Variants in RRP12 observed in about 807,000 individuals in gnomAD.
The protein encoded by RRP12 is RRP12-like protein.
In RRP12, 78 loss-of-function variants were observed where a neutral mutation model predicts 157.3. The observed-to-expected ratio is 0.50, with a 90% CI of 0.41 to 0.60. The LOEUF is 0.60. RRP12 is among the 20% of genes least tolerant of loss of function. The pLI is 0.00. For missense variants in RRP12, 1,521 were observed against 1,679.9 expected (o/e 0.91, Z 1.65); for synonymous variants, 726 against 670.9 (o/e 1.08, Z -1.27).
chr10:97,358,849 G>A (rs1843775037), intron 32 of RRP12, 94 bp downstream of exon 32: 4 of 1,039,126 alleles, frequency 3.8e-6, no homozygotes, highest in South Asian at 2.6e-5. Flanking sequence ...CCAGGAAGGT[G>A]CCTCTCAGGA....
At chr10:97,369,333 G>T in intron 25 of RRP12, 92 bp downstream of exon 25, 2 of 1,337,404 alleles carry the variant, frequency 1.5e-6, no homozygotes, top group South Asian at 2.7e-5. Flanking sequence ...AAAAAAAATA[G>T]TTTGAAACTT....
Position 97,363,095 on chromosome 10 carries a change from G to A in RRP12, c.3567+759C>T, listed in dbSNP as rs149547846. On this transcript the variant is annotated intron_variant, in intron 30 of 33. Transcript: ENST00000370992. ...CCCCAGAGTCTGCCGCTTCCCCACCGATATCACTATACCCTGATGTAGGCT... is the reference window on the plus strand; with the variant it reads ...CCCCAGAGTCTGCCGCTTCCCCACCAATATCACTATACCCTGATGTAGGCT... Among the ~76,000 whole-genome samples the A allele has an allele frequency of 2.1e-4, 32 of 152,314 alleles. 1 individual carries two copies. The East Asian group carries it at 5.0e-3, about 24-fold the overall frequency.
intron 15 of RRP12, among the ~76,000 whole-genome samples, chr10:97,379,019 A>T (rs1442833981): frequency 6.6e-6 from 1 of 152,258 alleles, no homozygotes; most frequent in African/African-American, 2.4e-5. Context: ...TCCAAAGGGG[A>T]AGAACAAGGC....
chr10:97,376,289 A>T (rs1046587505), intron 15 of RRP12, among the ~76,000 whole-genome samples: 3 of 131,146 alleles, frequency 2.3e-5, no homozygotes, highest in African/African-American at 8.9e-5. Flanking sequence ...ATCTCGGCTC[A>T]CTGCAACCTC....
intron 15 of RRP12, 138 bp from the exon 16 acceptor site, chr10:97,374,032 A>G: frequency 1.5e-6 from 1 of 682,058 alleles, no homozygotes; most frequent in Non-Finnish European, 2.6e-6. Flanking sequence ...ATTAAATCAT[A>G]CTTGTTCATT....
chr10:97,400,955 A>T, intron 1 of RRP12, 138 bp downstream of exon 1: 1 of 1,066,346 alleles, frequency 9.4e-7, no homozygotes. Context: ...CCCTTCAGAG[A>T]GGGCTCCAGA....
chr10:97,357,239 AGGAG>A, intron 33 of RRP12, 43 bp from the exon 34 acceptor site: 4 of 1,312,016 alleles, frequency 3.0e-6, no homozygotes, highest in Non-Finnish European at 4.3e-6. Context: ...GGCTGAGAAT[AGGAG>A]GCCCCCTCCT....
chr10:97,372,460 T>C (rs1844183671), intron 19 of RRP12, among the ~76,000 whole-genome samples: 2 of 152,154 alleles, frequency 1.3e-5, no homozygotes, highest in Non-Finnish European at 1.5e-5. Flanking sequence ...GCAGAATGGA[T>C]AAGTAATTTG....
intron 3 of RRP12, among the ~76,000 whole-genome samples, chr10:97,395,108 A>G (rs1040691301): frequency 2.6e-5 from 4 of 152,020 alleles, no homozygotes; most frequent in Admixed American, 2.0e-4. Flanking sequence ...ACACCACTGC[A>G]CTCCAGCCTG....
intron 1 of RRP12, 31 bp downstream of exon 1, chr10:97,401,062 C>A: frequency 6.2e-7 from 1 of 1,608,418 alleles, no homozygotes; most frequent in Non-Finnish European, 8.5e-7. Flanking sequence ...GAACCCCGCC[C>A]CCGGCTGCGC....
chr10:97,395,203 C>CATAT (rs778677437), intron 3 of RRP12, among the ~76,000 whole-genome samples: 1 of 120,924 alleles, frequency 8.3e-6, no homozygotes, highest in Non-Finnish European at 1.8e-5. Context: ...TATATATACA[C>CATAT]ATATACACAC....
At chr10:97,363,051 G>A (rs1161511096) in intron 30 of RRP12, among the ~76,000 whole-genome samples, 1 of 152,324 alleles carries the variant, frequency 6.6e-6, no homozygotes, top group Non-Finnish European at 1.5e-5. Flanking sequence ...TAAAAGGTTA[G>A]GCTGAAGCCA....
At chr10:97,393,920 A>G (rs1844883297) in intron 3 of RRP12, among the ~76,000 whole-genome samples, 160 bp from the exon 4 acceptor site, 1 of 152,220 alleles carries the variant, frequency 6.6e-6, no homozygotes, top group African/African-American at 2.4e-5. Flanking sequence ...TTGGGCTAGT[A>G]ATTTAACCTA....
chr10:97,371,406 T>A, intron 20 of RRP12: 1 of 346,028 alleles, frequency 2.9e-6, no homozygotes, highest in South Asian at 4.4e-5. Context: ...CACTCTTCTC[T>A]CTCCTTCCAA....
At chr10:97,381,014 G>T in intron 12 of RRP12, 101 bp from the exon 13 acceptor site, 1 of 933,580 alleles carries the variant, frequency 1.1e-6, no homozygotes, top group South Asian at 1.4e-5. Flanking sequence ...ACGCTAGCTG[G>T]CCAGCAAGAA....
In RRP12 at chr10:97,373,186, C is replaced by G. The variant is rs1470137098; in HGVS notation, c.2041G>C (p.Glu681Gln). ...AAGTTCTTGGCAAAGCGACTCACTT[C>G]AGCACGGTCAGCCTCTGGTAAAAGG... ...KGCQAEADRA[E>Q]VSRFAKNFLP... is the part of the protein sequence containing the mutation. Residue 681 changes from glutamate to glutamine, a missense_variant, in exon 18 of 34, where the codon GAA (glutamate) becomes CAA (glutamine). Glu to Gln is a conservative substitution (Grantham distance 29, BLOSUM62 2). Transcript: ENST00000370992. 26 of 1,614,156 alleles carry G rather than the reference C, an allele frequency of 1.6e-5. No individual in the cohort carries two copies. The highest frequency in any genetic ancestry group is 2.2e-5 in the Non-Finnish European group (26 of 1,180,012).
intron 29 of RRP12, among the ~76,000 whole-genome samples, chr10:97,365,177 G>A (rs1458841982): frequency 2.0e-5 from 3 of 152,054 alleles, no homozygotes; most frequent in Non-Finnish European, 4.4e-5. Flanking sequence ...GAGCAGTGAG[G>A]CTCCAGTTAG....
chr10:97,385,897 T>C lies in RRP12; in HGVS notation c.1114A>G (p.Thr372Ala). The C allele has an allele frequency of 2.5e-6, 4 of 1,599,392 alleles. No homozygotes were observed. Among genetic ancestry groups the C allele is most frequent in the Non-Finnish European group, 2.6e-6 (3 of 1,172,232 alleles). Reference sequence around the variant, plus strand: ...CACATCCCACCAACAGGCCTCACCGTGATGATCTGGGCGTTGAGCTCTGCT... The same window carrying C: ...CACATCCCACCAACAGGCCTCACCGCGATGATCTGGGCGTTGAGCTCTGCT... ...LSAELNAQII[T>A]ALYDYVPSEN... The change falls in exon 9 of 34, where the codon ACG (threonine) becomes GCG (alanine). Residue 372 changes from threonine to alanine, a missense_variant and splice_region_variant. Coordinates refer to ENST00000370992, the MANE Select transcript of RRP12 (RefSeq NM_015179.4).
chr10:97,371,799 TG>T, intron 20 of RRP12: 1 of 374,228 alleles, frequency 2.7e-6, no homozygotes, highest in South Asian at 4.8e-5. Context: ...GGGATGGGCC[TG>T]GGGAGTGAGC....
Sources: allele counts gnomAD v4.1 joint callset (sites outside exome capture counted in the v4.1 genomes callset), GRCh38; gene constraint gnomAD v4.1.1; transcripts MANE v1.5; gene names NCBI Gene and HGNC (gene_info 2026-07-23, HGNC 2026-07-21).